The following ARFGEF3 variants were observed in gnomAD, a reference collection of about 807,000 sequenced individuals.
The protein encoded by ARFGEF3 is ARFGEF family member 3, also known as brefeldin A-inhibited guanine nucleotide-exchange protein 3.
In ARFGEF3, 96 loss-of-function variants were observed where a neutral mutation model predicts 221.7. That is an observed-to-expected ratio of 0.43 (90% CI 0.37 to 0.51). ARFGEF3 has a LOEUF of 0.51. Among genes scored for constraint, ARFGEF3 ranks in the 20% least tolerant of loss-of-function variants. ARFGEF3 has a pLI of 0.00. For synonymous variants in ARFGEF3, 1,145 were observed against 1,126.8 expected (o/e 1.02, Z -0.32); for missense variants, 2,410 against 2,789.9 (o/e 0.86, Z 3.07).
chr6:138,207,236 A>T, intron 3 of ARFGEF3, 113 bp downstream of exon 3: 1 of 755,978 alleles, frequency 1.3e-6, no homozygotes, highest in Non-Finnish European at 2.2e-6. Flanking sequence ...TCAGGCAGAA[A>T]TTTGATTGAA....
At chr6:138,214,141 A>G (rs1308736220) in intron 4 of ARFGEF3, among the ~76,000 whole-genome samples, 1 of 152,220 alleles carries the variant, frequency 6.6e-6, no homozygotes, top group African/African-American at 2.4e-5. Context: ...GTAATGATCC[A>G]GGTAAAGCCT....
intron 2 of ARFGEF3, among the ~76,000 whole-genome samples, chr6:138,187,941 G>A (rs1009375765): frequency 6.6e-6 from 1 of 152,168 alleles, no homozygotes; most frequent in Non-Finnish European, 1.5e-5. Flanking sequence ...TAGGAAATGA[G>A]TGTGTGTGGG....
At chr6:138,302,069 T>A (rs915046423) in intron 22 of ARFGEF3, among the ~76,000 whole-genome samples, 2 of 151,904 alleles carry the variant, frequency 1.3e-5, no homozygotes, top group Non-Finnish European at 2.9e-5. Context: ...TTCTCAAAAA[T>A]ATGAGTGATG....
At chr6:138,193,276 G>A (rs1777345276) in intron 2 of ARFGEF3, among the ~76,000 whole-genome samples, 1 of 152,082 alleles carries the variant, frequency 6.6e-6, no homozygotes, top group Admixed American at 6.5e-5. Flanking sequence ...GCAGTTCAAG[G>A]CCTAATGAGT....
intron 4 of ARFGEF3, among the ~76,000 whole-genome samples, chr6:138,226,199 C>T (rs371034035): frequency 6.6e-6 from 1 of 152,296 alleles, no homozygotes; most frequent in East Asian, 1.9e-4. Context: ...AGCACATCTG[C>T]GATTCTGTGC....
chr6:138,319,644 G>A, intron 27 of ARFGEF3, 59 bp from the exon 28 acceptor site: 1 of 1,239,148 alleles, frequency 8.1e-7, no homozygotes. Flanking sequence ...AATGCCAGGT[G>A]GAGGCAAAGA....
intron 19 of ARFGEF3, among the ~76,000 whole-genome samples, chr6:138,293,489 T>C (rs979473085): frequency 6.6e-6 from 1 of 152,186 alleles, no homozygotes; most frequent in Admixed American, 6.5e-5. Flanking sequence ...ATCCAGGCCT[T>C]TGGGTGTGTA....
At chr6:138,288,358 C>T (rs1272618712) in intron 17 of ARFGEF3, among the ~76,000 whole-genome samples, 3 of 152,004 alleles carry the variant, frequency 2.0e-5, no homozygotes, top group Non-Finnish European at 2.9e-5. Context: ...GCACTCTAGC[C>T]TGGGTGACAG....
intron 10 of ARFGEF3, among the ~76,000 whole-genome samples, 185 bp from the exon 11 acceptor site, chr6:138,261,342 A>G (rs938057813): frequency 1.3e-5 from 2 of 152,176 alleles, no homozygotes; most frequent in African/African-American, 4.8e-5. Context: ...CCTGATACAC[A>G]CCATATGTCA....
In ARFGEF3 at chr6:138,344,521, T is replaced by C. The variant is rs1366111181; in HGVS notation, c.*8035T>C. On this transcript the variant is annotated 3_prime_UTR_variant, in exon 34 of 34. Transcript: ENST00000251691. ...AAGTGTATTTTGTGTACATTTTATC[T>C]GAGGTGGAAATGAAAATTCTAAAGA... 6.6e-6 allele frequency: 1 copy of C among 152,210 alleles called. No homozygotes were observed. The highest frequency in any genetic ancestry group is 1.9e-4 in the East Asian group (1 of 5,204). The allele number at this position is 152,210 out of a possible 1,614,324, so 9.4% of individuals were successfully genotyped here.
At chr6:138,194,885 C>T (rs1777381010) in intron 2 of ARFGEF3, among the ~76,000 whole-genome samples, 1 of 151,046 alleles carries the variant, frequency 6.6e-6, no homozygotes, top group South Asian at 2.1e-4. Flanking sequence ...ACATTGAGGC[C>T]ATTAAGGGAA....
chr6:138,206,311 T>A (rs1777623731), intron 2 of ARFGEF3, among the ~76,000 whole-genome samples: 1 of 152,018 alleles, frequency 6.6e-6, no homozygotes, highest in African/African-American at 2.4e-5. Flanking sequence ...GCCCTTGTTT[T>A]CCCTAACCTT....
chr6:138,284,916 A>G (rs957021495), intron 14 of ARFGEF3, among the ~76,000 whole-genome samples: 2 of 152,234 alleles, frequency 1.3e-5, no homozygotes, highest in Non-Finnish European at 1.5e-5. Context: ...TGTGTATTGA[A>G]TACTGTAAGC....
At position 138,238,470 on chromosome 6, in the gene ARFGEF3, C is replaced by G. The variant is rs201078670; in HGVS notation, c.421-39C>G. On this transcript the variant is annotated intron_variant, in intron 5 of 33. Transcript: ENST00000251691. ...AAAGAATGTTGGTAATAAGCTGATA[C>G]CTGCAGACATGTGTGTTGCTGTCTT... 1,112 of 1,593,946 alleles carry G rather than the reference C, an allele frequency of 7.0e-4. 1 individual carries two copies. Among genetic ancestry groups the G allele is most frequent in the Non-Finnish European group, 7.3e-4 (853 of 1,166,158 alleles).
At chr6:138,286,330 G>A (rs1259856815) in intron 15 of ARFGEF3, among the ~76,000 whole-genome samples, 1 of 151,852 alleles carries the variant, frequency 6.6e-6, no homozygotes, top group South Asian at 2.1e-4. Flanking sequence ...GGCACCTGTA[G>A]TCCCAGCTAC....
At position 138,291,600 on chromosome 6, in the gene ARFGEF3, G is replaced by C; in HGVS notation, c.3048-133G>C. 2.0e-6 allele frequency: 1 copy of C among 494,764 alleles called. No homozygotes were observed. Among genetic ancestry groups the C allele is most frequent in the Non-Finnish European group, 3.3e-6 (1 of 300,836 alleles). 30.6% of individuals were successfully genotyped at this position (494,764 alleles called of 1,614,324 possible). On this transcript the variant is annotated intron_variant, in intron 18 of 33. Transcript: ENST00000251691. This position sits in a 1 kb window ranked among gnomAD's most constrained non-coding sequence, Gnocchi z 4.5. ...AGAACACAGGAGGGAAGGACTGACT[G>C]TCATCACAGGAAAGAGGAAAGCTGG... is the stretch of plus-strand genomic sequence containing the variant.
intron 2 of ARFGEF3, among the ~76,000 whole-genome samples, chr6:138,201,208 T>C: frequency 6.6e-6 from 1 of 152,320 alleles, no homozygotes. Context: ...GGAACACTTC[T>C]ACACTGCTGG....
intron 29 of ARFGEF3, among the ~76,000 whole-genome samples, chr6:138,323,163 C>T (rs938702399): frequency 1.9e-4 from 29 of 151,998 alleles, no homozygotes; most frequent in Non-Finnish European, 1.5e-5. Context: ...AGAGGGGATC[C>T]GTTGATATTT....
At chr6:138,287,460 C>G (rs1226813933) in intron 17 of ARFGEF3, among the ~76,000 whole-genome samples, 1 of 152,254 alleles carries the variant, frequency 6.6e-6, no homozygotes, top group East Asian at 1.9e-4. Context: ...CTGAACTGTT[C>G]ACACCTGTCA....
Sources: gnomAD v4.1 joint callset for allele counts (sites outside exome capture counted in the v4.1 genomes callset) on GRCh38, gnomAD v4.1.1 for gene constraint, Gnocchi (gnomAD v3.1) non-coding constraint, MANE v1.5 for transcripts, NCBI Gene and HGNC (gene_info 2026-07-23, HGNC 2026-07-21) for gene names.